Variants in MAP2K5 observed in about 807,000 individuals in gnomAD.
MAP2K5 encodes the protein dual specificity mitogen-activated protein kinase kinase 5.
In MAP2K5, 49 loss-of-function variants were observed where a neutral mutation model predicts 83.1. The ratio of observed to expected loss-of-function variants is 0.59; its 90% CI spans 0.47 to 0.75. The LOEUF (loss-of-function observed/expected upper bound fraction) is 0.75. Ranked by LOEUF, MAP2K5 falls within the 30% of genes least tolerant of loss-of-function variation. The probability of loss-of-function intolerance (pLI) is 0.00; values close to 1 mark genes in which losing one functional copy is unlikely to be tolerated. For missense variants in MAP2K5, 457 were observed against 557.5 expected (o/e 0.82, Z 1.82); for synonymous variants, 202 against 191.8 (o/e 1.05, Z -0.44).
chr15:67,706,267 TG>T (rs1214449928), intron 16 of MAP2K5, among the ~76,000 whole-genome samples: 1 of 152,242 alleles, frequency 6.6e-6, no homozygotes, highest in Non-Finnish European at 1.5e-5. Flanking sequence ...TTGATATATT[TG>T]GGTTCTGTTG....
chr15:67,543,271 G>A lies in MAP2K5; in HGVS notation c.-65G>A. 6.3e-7 allele frequency: 1 copy of A among 1,576,908 alleles called. No homozygotes were observed. Among genetic ancestry groups the A allele is most frequent in the Non-Finnish European group, 8.7e-7 (1 of 1,149,084 alleles). The stretch of plus-strand genomic sequence containing the variant: ...GTCACTCCCCTTGTCACCTCTTGGA[G>A]CCCCCTCCTAACCAGCGGCCAGTGG... On this transcript the variant is annotated 5_prime_UTR_variant, in exon 1 of 22. Transcript: ENST00000178640. This position sits in a 1 kb window ranked among gnomAD's most constrained non-coding sequence, Gnocchi z 4.3.
intron 8 of MAP2K5, among the ~76,000 whole-genome samples, chr15:67,619,000 C>T (rs1341417385): frequency 6.6e-6 from 1 of 152,200 alleles, no homozygotes; most frequent in Non-Finnish European, 1.5e-5. Flanking sequence ...TCACCATGGC[C>T]TAAATGGTGC....
At chr15:67,659,081 A>G (rs968923673) in intron 12 of MAP2K5, 1 of 239,090 alleles carries the variant, frequency 4.2e-6, no homozygotes, top group African/African-American at 2.3e-5. Context: ...TTTTTCATCA[A>G]CTACATCTAG....
chr15:67,768,495 A>G lies in MAP2K5; in HGVS notation c.1135-1107A>G, dbSNP rs187612748. On this transcript the variant is annotated intron_variant, in intron 19 of 21. Coordinates refer to ENST00000178640, the MANE Select transcript of MAP2K5 (RefSeq NM_145160.3). The surrounding 1 kb of genome is among the most constrained non-coding windows in gnomAD (Gnocchi z 4.0). ...CTTGCCTGCAGCGCTGGAAGGTTGT[A>G]TGTAATGATATATTGCTCATCCAAA... 9.2e-5 allele frequency among the ~76,000 whole-genome samples: 14 copies of G among 152,336 alleles called. No individual in the cohort carries two copies. Among genetic ancestry groups the G allele is most frequent in the Admixed American group, 4.6e-4 (7 of 15,294 alleles).
chr15:67,638,843 A>G lies in MAP2K5; in HGVS notation c.586-7388A>G, dbSNP rs967813671. Among the ~76,000 whole-genome samples, 1 of 152,256 alleles carries G rather than the reference A, an allele frequency of 6.6e-6. No individual in the cohort carries two copies. Among genetic ancestry groups the G allele is most frequent in the Non-Finnish European group, 1.5e-5 (1 of 68,010 alleles). The stretch of plus-strand genomic sequence containing the variant: ...GATCAGTGATGTTGAGCGTTTTTCC[A>G]TAGGATTGTTGGCCTCGTGTATATC... On this transcript the variant is annotated intron_variant, in intron 9 of 21. Coordinates refer to ENST00000178640, the MANE Select transcript of MAP2K5 (RefSeq NM_145160.3). This position sits in a 1 kb window ranked among gnomAD's most constrained non-coding sequence, Gnocchi z 4.5.
chr15:67,698,125 A>G lies in MAP2K5; in HGVS notation c.972+4557A>G, dbSNP rs1249151312. On this transcript the variant is annotated intron_variant, in intron 15 of 21. Coordinates refer to ENST00000178640, the MANE Select transcript of MAP2K5 (RefSeq NM_145160.3). The surrounding 1 kb of genome is among the most constrained non-coding windows in gnomAD (Gnocchi z 4.5). ...ACCACATTTTGATAGGATTTTATCCATAAGAATTATAAAAGGGGTCTGGAA... is the reference window on the plus strand; with the variant it reads ...ACCACATTTTGATAGGATTTTATCCGTAAGAATTATAAAAGGGGTCTGGAA... 2.0e-5 allele frequency among the ~76,000 whole-genome samples: 3 copies of G among 152,220 alleles called. 1 individual carries two copies. The highest frequency in any genetic ancestry group is 2.0e-4 in the Admixed American group (3 of 15,284).
chr15:67,759,965 C>G (rs145268078), intron 19 of MAP2K5, among the ~76,000 whole-genome samples: 2 of 152,328 alleles, frequency 1.3e-5, no homozygotes, highest in African/African-American at 4.8e-5. Context: ...TCAACTAGAC[C>G]TGTGTTTCAA....
chr15:67,557,261 TGG>T (rs1475751148), intron 2 of MAP2K5, among the ~76,000 whole-genome samples: 1 of 152,234 alleles, frequency 6.6e-6, no homozygotes, highest in Admixed American at 6.5e-5. Flanking sequence ...AAATGACTGT[TGG>T]ATTGGTGTTC....
intron 11 of MAP2K5, among the ~76,000 whole-genome samples, chr15:67,651,012 C>T (rs1215330282): frequency 2.0e-5 from 3 of 152,124 alleles, no homozygotes; most frequent in Non-Finnish European, 4.4e-5. Flanking sequence ...GTCAGGAGTT[C>T]AAGACCAGCC....
Position 67,720,087 on chromosome 15 carries a change from T to C in MAP2K5, c.1045-7829T>C, listed in dbSNP as rs1034007839. 3.9e-5 allele frequency among the ~76,000 whole-genome samples: 6 copies of C among 152,176 alleles called. No homozygotes were observed. The highest frequency in any genetic ancestry group is 9.7e-5 in the African/African-American group (4 of 41,436). ...GGGCATTTTTAAATTGAGGGTTTTT[T>C]CCCCTTTTTTATTTATCAATTAGCT... On this transcript the variant is annotated intron_variant, in intron 16 of 21. Coordinates refer to ENST00000178640, the MANE Select transcript of MAP2K5 (RefSeq NM_145160.3). This position sits in a 1 kb window ranked among gnomAD's most constrained non-coding sequence, Gnocchi z 5.7.
Position 67,768,123 on chromosome 15 carries a change from T to C in MAP2K5, c.1135-1479T>C, listed in dbSNP as rs2090075321. ...CCTTGACCCCCTTAGTTCCTTTTGA[T>C]TTAATTGTATTTTCCAGCACTTTCC... On this transcript the variant is annotated intron_variant, in intron 19 of 21. Coordinates refer to ENST00000178640, the MANE Select transcript of MAP2K5 (RefSeq NM_145160.3). The surrounding 1 kb of genome is among the most constrained non-coding windows in gnomAD (Gnocchi z 4.0). 6.6e-6 allele frequency among the ~76,000 whole-genome samples: 1 copy of C among 152,156 alleles called. No homozygotes were observed. Among genetic ancestry groups the C allele is most frequent in the African/African-American group, 2.4e-5 (1 of 41,438 alleles).
At chr15:67,547,459 T>C (rs984057352) in intron 1 of MAP2K5, among the ~76,000 whole-genome samples, 19 of 149,170 alleles carry the variant, frequency 1.3e-4, no homozygotes, top group Non-Finnish European at 2.5e-4. Context: ...TTTTTTCTTT[T>C]TTTTTTTTTT....
intron 7 of MAP2K5, among the ~76,000 whole-genome samples, chr15:67,597,704 T>C (rs1001486377): frequency 6.6e-6 from 1 of 152,174 alleles, no homozygotes; most frequent in Non-Finnish European, 1.5e-5. Context: ...CCTTTAATGA[T>C]TTTTTCATAG....
At chr15:67,593,064 A>G (rs1285775390) in intron 7 of MAP2K5, 90 bp downstream of exon 7, 3 of 786,470 alleles carry the variant, frequency 3.8e-6, no homozygotes, top group South Asian at 1.8e-5. Flanking sequence ...ACAGATAAAG[A>G]GTCTGTGAGT....
intron 17 of MAP2K5, among the ~76,000 whole-genome samples, chr15:67,737,232 A>G (rs12592101): frequency 0.45 from 68,419 of 151,982 alleles, 16,196 homozygotes; most frequent in Non-Finnish European, 0.53. Flanking sequence ...CTGGCTATGG[A>G]TCCCTGGGGG....
chr15:67,566,187 G>A (rs2084833965), intron 3 of MAP2K5, among the ~76,000 whole-genome samples: 1 of 151,954 alleles, frequency 6.6e-6, no homozygotes, highest in Non-Finnish European at 1.5e-5. Flanking sequence ...GTCTTGTTTT[G>A]TTTTTGAGAT....
At chr15:67,772,596 A>G (rs1417181243) in intron 20 of MAP2K5, 111 bp from the exon 21 acceptor site, 3 of 617,486 alleles carry the variant, frequency 4.9e-6, no homozygotes, top group African/African-American at 3.8e-5. Context: ...ATTGAACATG[A>G]TGTATTTTGA....
chr15:67,699,128 G>T (rs1031480842), intron 15 of MAP2K5, among the ~76,000 whole-genome samples: 1 of 144,236 alleles, frequency 6.9e-6, no homozygotes, highest in African/African-American at 2.5e-5. Flanking sequence ...TGCTAGCTAA[G>T]TTTTTTTTTT....
In MAP2K5 at chr15:67,750,356, A is replaced by C. The variant is rs1178508569; in HGVS notation, c.1134+1755A>C. Reference sequence around the variant, plus strand: ...CCAGGTTGATCTTGGAACTGAGCTGATATTCTGCAATAAAAGTATTAGGAA... The same window carrying C: ...CCAGGTTGATCTTGGAACTGAGCTGCTATTCTGCAATAAAAGTATTAGGAA... On this transcript the variant is annotated intron_variant, in intron 19 of 21. Coordinates refer to ENST00000178640, the MANE Select transcript of MAP2K5 (RefSeq NM_145160.3). This position sits in a 1 kb window ranked among gnomAD's most constrained non-coding sequence, Gnocchi z 4.2. Among the ~76,000 whole-genome samples the C allele has an allele frequency of 1.3e-5, 2 of 152,196 alleles. No homozygotes were observed. The highest frequency in any genetic ancestry group is 2.4e-5 in the African/African-American group (1 of 41,452).
Sources: gnomAD v4.1 joint callset for allele counts (sites outside exome capture counted in the v4.1 genomes callset) on GRCh38, gnomAD v4.1.1 for gene constraint, Gnocchi (gnomAD v3.1) non-coding constraint, MANE v1.5 for transcripts, NCBI Gene and HGNC (gene_info 2026-07-23, HGNC 2026-07-21) for gene names.